The following ROBO1 variants were observed in gnomAD, a reference collection of about 807,000 sequenced individuals.
ROBO1 encodes the protein roundabout homolog 1.
A neutral mutation model predicts 195.9 loss-of-function variants in ROBO1; 149 were observed. The ratio of observed to expected loss-of-function variants is 0.76; its 90% CI spans 0.67 to 0.87. ROBO1 has a LOEUF of 0.87. Ranked by LOEUF, ROBO1 falls within the 40% of genes least tolerant of loss-of-function variation. The probability of loss-of-function intolerance (pLI) is 0.00; values close to 1 mark genes in which losing one functional copy is unlikely to be tolerated. For synonymous variants in ROBO1, 816 were observed against 733.2 expected (o/e 1.11, Z -1.82); for missense variants, 1,933 against 2,068.3 (o/e 0.93, Z 1.27).
intron 1 of ROBO1, among the ~76,000 whole-genome samples, chr3:79,703,443 T>C (rs1309313310): frequency 1.3e-5 from 2 of 151,730 alleles, no homozygotes; most frequent in African/African-American, 4.8e-5. Context: ...TATTAATGCC[T>C]GGGGTATAAA....
chr3:79,319,867 G>A (rs866876890), intron 2 of ROBO1, among the ~76,000 whole-genome samples: 11 of 151,838 alleles, frequency 7.2e-5, no homozygotes, highest in South Asian at 2.1e-4. Context: ...AAGTTTTATC[G>A]GCTTTATGCT....
At chr3:79,169,524 A>G (rs771559528) in intron 2 of ROBO1, among the ~76,000 whole-genome samples, 18 of 152,294 alleles carry the variant, frequency 1.2e-4, no homozygotes, top group Admixed American at 5.2e-4. Flanking sequence ...ATAGCTGAGT[A>G]ATTACTTGGA....
intron 2 of ROBO1, among the ~76,000 whole-genome samples, chr3:79,544,965 AATAATAC>A (rs1380185585): frequency 2.6e-5 from 4 of 152,182 alleles, no homozygotes; most frequent in African/African-American, 9.6e-5. Context: ...AAGGAGATGA[AATAATAC>A]ATGTTCATTC....
chr3:79,316,019 C>G (rs142367041), intron 2 of ROBO1, among the ~76,000 whole-genome samples: 49 of 152,310 alleles, frequency 3.2e-4, no homozygotes, highest in Admixed American at 2.1e-3. Context: ...CTGTACTTTA[C>G]ACGCAATTCT....
chr3:78,634,493 T>C (rs1275050566), intron 23 of ROBO1: 1 of 366,198 alleles, frequency 2.7e-6, no homozygotes, highest in South Asian at 2.0e-5. Flanking sequence ...TAATCTGTCG[T>C]CTAGTTGCAT....
At chr3:78,722,853 A>T (rs2082075626) in intron 5 of ROBO1, among the ~76,000 whole-genome samples, 1 of 152,134 alleles carries the variant, frequency 6.6e-6, no homozygotes, top group African/African-American at 2.4e-5. Context: ...TAAAATGGGA[A>T]TCCTATTAAT....
chr3:79,097,714 T>C (rs2079596537), intron 3 of ROBO1, among the ~76,000 whole-genome samples: 1 of 151,766 alleles, frequency 6.6e-6, no homozygotes. Flanking sequence ...AAAAGCATCA[T>C]TAAGCAAGAA....
intron 4 of ROBO1, among the ~76,000 whole-genome samples, chr3:78,781,656 C>T (rs1369305089): frequency 6.6e-6 from 1 of 151,988 alleles, no homozygotes; most frequent in African/African-American, 2.4e-5. Context: ...CCTGGTGATT[C>T]CAATATACAG....
chr3:79,558,066 A>G (rs181565165), intron 2 of ROBO1, among the ~76,000 whole-genome samples: 1 of 152,260 alleles, frequency 6.6e-6, no homozygotes, highest in Admixed American at 6.5e-5. Flanking sequence ...AAAATATTTT[A>G]GATAATTTGT....
At chr3:79,584,697 G>A (rs997961049) in intron 2 of ROBO1, among the ~76,000 whole-genome samples, 30 of 148,658 alleles carry the variant, frequency 2.0e-4, no homozygotes, top group Middle Eastern at 3.4e-3. Flanking sequence ...ACATACACAT[G>A]CAATGTGATT....
chr3:79,092,773 T>C (rs1331005447), intron 3 of ROBO1, among the ~76,000 whole-genome samples: 1 of 152,098 alleles, frequency 6.6e-6, no homozygotes, highest in Non-Finnish European at 1.5e-5. Context: ...CAGAAATCAA[T>C]TATCAGTGAC....
chr3:79,312,134 C>G (rs2033516390), intron 2 of ROBO1, among the ~76,000 whole-genome samples: 1 of 152,174 alleles, frequency 6.6e-6, no homozygotes. Flanking sequence ...CAAAATATTT[C>G]TCAAATCCAA....
chr3:79,712,676 C>T (rs139589308), intron 1 of ROBO1, among the ~76,000 whole-genome samples: 1 of 152,160 alleles, frequency 6.6e-6, no homozygotes, highest in East Asian at 1.9e-4. Flanking sequence ...GACTTAACAG[C>T]CTTCAACTGG....
At chr3:78,763,324 T>G (rs1040957147) in intron 4 of ROBO1, among the ~76,000 whole-genome samples, 20 of 152,166 alleles carry the variant, frequency 1.3e-4, no homozygotes, top group Admixed American at 6.6e-4. Context: ...TGAACACATT[T>G]ATAGTAAGTA....
chr3:79,293,103 G>C (rs1266325637), intron 2 of ROBO1, among the ~76,000 whole-genome samples: 3 of 152,056 alleles, frequency 2.0e-5, no homozygotes, highest in South Asian at 2.1e-4. Context: ...GTTTAGTCTT[G>C]GGAGGGTGTA....
chr3:78,618,850 ACT>A (rs1353677944), intron 26 of ROBO1, among the ~76,000 whole-genome samples: 2 of 152,076 alleles, frequency 1.3e-5, no homozygotes, highest in East Asian at 3.9e-4. Flanking sequence ...GTTTCAACCA[ACT>A]CTCTGCAGAC....
chr3:79,385,259 T>C (rs2036701264), intron 2 of ROBO1, among the ~76,000 whole-genome samples: 1 of 152,132 alleles, frequency 6.6e-6, no homozygotes, highest in Non-Finnish European at 1.5e-5. Flanking sequence ...GCTTCAGTTA[T>C]TTGAATCTTT....
intron 3 of ROBO1, among the ~76,000 whole-genome samples, chr3:79,036,968 C>T (rs943558258): frequency 4.6e-5 from 7 of 152,038 alleles, no homozygotes; most frequent in African/African-American, 2.4e-5. Context: ...AAATCGATGA[C>T]GTGTTTCTGA....
chr3:79,350,331 T>A (rs751600859), intron 2 of ROBO1, among the ~76,000 whole-genome samples: 2 of 152,210 alleles, frequency 1.3e-5, no homozygotes, highest in Admixed American at 1.3e-4. Flanking sequence ...AATTTTATCC[T>A]CACGCATTGC....
Sources: allele counts gnomAD v4.1 joint callset (sites outside exome capture counted in the v4.1 genomes callset), GRCh38; gene constraint gnomAD v4.1.1; transcripts MANE v1.5; gene names NCBI Gene and HGNC (gene_info 2026-07-23, HGNC 2026-07-21).